EVI5L: variants seen among roughly 807,000 people sequenced by gnomAD.
EVI5L encodes ecotropic viral integration site 5 like.
A neutral mutation model predicts 106.1 loss-of-function variants in EVI5L; 30 were observed. The observed-to-expected ratio is 0.28, with a 90% CI of 0.21 to 0.38. The LOEUF is 0.38. EVI5L is among the 10% of genes least tolerant of loss of function. The probability of loss-of-function intolerance (pLI) is 1.00; values close to 1 mark genes in which losing one functional copy is unlikely to be tolerated. For missense variants in EVI5L, 809 were observed against 1,098.0 expected (o/e 0.74, Z 3.72); for synonymous variants, 489 against 483.3 (o/e 1.01, Z -0.15).
At chr19:7,843,010 G>GTA (rs1174762258) in intron 1 of EVI5L, among the ~76,000 whole-genome samples, 1 of 151,828 alleles carries the variant, frequency 6.6e-6, no homozygotes, top group East Asian at 1.9e-4. Context: ...GTGCATGTGT[G>GTA]TATAGGTGTG....
At position 7,850,041 on chromosome 19, in the gene EVI5L, G is replaced by A; in HGVS notation, c.672G>A (p.Gln224=). The change falls in exon 6 of 20, where the codon CAG becomes CAA. Residue 224 remains glutamine (Q), a synonymous_variant. Transcript: ENST00000538904. This position sits in a 1 kb window ranked among gnomAD's most constrained non-coding sequence, Gnocchi z 5.4. ...TCTGTGTGTTCGTGCGGCTGATGCAGGAGTACCGGCTGCGGGAGCTCTTCA... is the reference window on the plus strand; with the variant it reads ...TCTGTGTGTTCGTGCGGCTGATGCAAGAGTACCGGCTGCGGGAGCTCTTCA... ...EAFCVFVRLM[Q]EYRLRELFKP... The A allele has an allele frequency of 6.2e-7, 1 of 1,604,456 alleles. No homozygotes were observed. The highest frequency in any genetic ancestry group is 1.1e-5 in the South Asian group (1 of 89,196).
At chr19:7,843,232 T>TATC (rs2146418920) in intron 1 of EVI5L, among the ~76,000 whole-genome samples, 1 of 125,822 alleles carries the variant, frequency 7.9e-6, no homozygotes, top group South Asian at 2.7e-4. Context: ...TGGGTGTGTG[T>TATC]CGAGTGTGTG....
chr19:7,853,863 C>T (rs1979386595), intron 10 of EVI5L, among the ~76,000 whole-genome samples: 1 of 152,192 alleles, frequency 6.6e-6, no homozygotes, highest in African/African-American at 2.4e-5. Context: ...TCACCCGGGG[C>T]CCCTGGTTCC....
chr19:7,853,068 C>T lies in EVI5L; in HGVS notation c.988-18C>T, dbSNP rs1285061736. On this transcript the variant is annotated intron_variant, in intron 8 of 19. Transcript: ENST00000538904. ...GGCCTGCATGTTGGTGACCAGGTGA[C>T]CGGCTGTGTCCCCACAGTACTTCCA... 32 of 1,613,268 alleles carry T rather than the reference C, an allele frequency of 2.0e-5. No homozygotes were observed. Among genetic ancestry groups the T allele is most frequent in the Non-Finnish European group, 2.5e-5 (29 of 1,179,846 alleles).
intron 1 of EVI5L, among the ~76,000 whole-genome samples, chr19:7,839,741 T>C (rs925682208): frequency 7.4e-5 from 10 of 134,944 alleles, no homozygotes; most frequent in Non-Finnish European, 1.4e-4. Flanking sequence ...CTGGGCAACA[T>C]AGTGAGACCC....
Position 7,860,654 on chromosome 19 carries a change from C to A in EVI5L, c.1468C>A (p.Arg490=). ...GGAGACGGAGACACTGGGGGCCCTT[C>A]GGGAGATGCAGGACAAGGTTCTCGA... ...LRETETLGAL[R]EMQDKVLDME... is the part of the protein sequence containing the mutation. Residue 490 remains arginine, a synonymous_variant, in exon 14 of 20, where the codon CGG becomes AGG. Transcript: ENST00000538904. 1 of 1,593,230 alleles carries A rather than the reference C, an allele frequency of 6.3e-7. No homozygotes were observed. Among genetic ancestry groups the A allele is most frequent in the East Asian group, 2.3e-5 (1 of 43,970 alleles).
At position 7,857,978 on chromosome 19, in the gene EVI5L, C is replaced by A; in HGVS notation, c.1234-213C>A. ...CAAGCCCAGGGCTAGCTCTGTTCCT[C>A]CCGGGCTCCTCCAGGTGTCCTATTC... On this transcript the variant is annotated intron_variant, in intron 12 of 19. Transcript: ENST00000538904. The surrounding 1 kb of genome is among the most constrained non-coding windows in gnomAD (Gnocchi z 4.5). 1.7e-6 allele frequency: 1 copy of A among 578,910 alleles called. No homozygotes were observed. The highest frequency in any genetic ancestry group is 3.1e-6 in the Non-Finnish European group (1 of 326,030). 35.9% of individuals were successfully genotyped at this position (578,910 alleles called of 1,614,324 possible). A position where few individuals can be genotyped will look rare whatever the true frequency, so the allele number is the denominator to read the frequency against.
intron 1 of EVI5L, among the ~76,000 whole-genome samples, chr19:7,844,763 C>T (rs1199340580): frequency 6.6e-6 from 1 of 152,240 alleles, no homozygotes; most frequent in Non-Finnish European, 1.5e-5. Context: ...AAACCCTCAG[C>T]ACCCGGCAGA....
At position 7,849,108 on chromosome 19, in the gene EVI5L, A is replaced by C; in HGVS notation, c.515A>C (p.Asp172Ala). ...GAACATGAGTTCTTCAAGGGCCAGG[A>C]CAGCCTGGGCCAGGAGGTCCTCTTC... ...YPEHEFFKGQ[D>A]SLGQEVLFNV... Residue 172 changes from aspartate to alanine, a missense_variant, in exon 4 of 20, where the codon GAC becomes GCC. Asp to Ala is a moderately radical substitution (Grantham distance 126, BLOSUM62 -2). Around this residue, in one of 2 missense-constraint regions of EVI5L, gnomAD observed 357 missense variants for 588.1 expected, o/e 0.61. Coordinates refer to ENST00000538904, the MANE Select transcript of EVI5L (RefSeq NM_001159944.3). 1 of 1,609,922 alleles carries C rather than the reference A, an allele frequency of 6.2e-7. No homozygotes were observed.
At chr19:7,842,470 G>A (rs926525090) in intron 1 of EVI5L, among the ~76,000 whole-genome samples, 1 of 151,702 alleles carries the variant, frequency 6.6e-6, no homozygotes, top group African/African-American at 2.4e-5. Context: ...TGTGTATCAA[G>A]TGTGTGCATG....
chr19:7,863,242 C>A lies in EVI5L; in HGVS notation c.2101C>A (p.Arg701Ser), dbSNP rs1295705317. 1.9e-6 allele frequency: 3 copies of A among 1,561,992 alleles called. No individual in the cohort carries two copies. In the South Asian group the frequency reaches 3.5e-5, roughly 18 times the overall value. Residue 701 changes from arginine (R) to serine (S), a missense_variant, in exon 19 of 20, where the codon CGC becomes AGC. This residue lies in a region of EVI5L where 452 missense variants were observed against 509.9 expected (regional missense o/e 0.89). Transcript: ENST00000538904. This position sits in a 1 kb window ranked among gnomAD's most constrained non-coding sequence, Gnocchi z 7.7. Reference sequence around the variant, plus strand: ...CCACTCGGACTCATCGCAGTACATCCGCGAGCTCAAGGACCAGATCGAGGA... The same window carrying A: ...CCACTCGGACTCATCGCAGTACATCAGCGAGCTCAAGGACCAGATCGAGGA... ...LNHSDSSQYI[R>S]ELKDQIEELK...
chr19:7,853,541 C>T (rs1267180783), intron 10 of EVI5L: 3 of 654,152 alleles, frequency 4.6e-6, no homozygotes, highest in Non-Finnish European at 7.8e-6. Context: ...GCCGCGGTAA[C>T]CAAGACAGTC....
chr19:7,843,104 G>A (rs1199763482), intron 1 of EVI5L, among the ~76,000 whole-genome samples: 1 of 148,380 alleles, frequency 6.7e-6, no homozygotes, highest in African/African-American at 2.5e-5. Context: ...TGTGAGAATA[G>A]GCATGGGTGT....
At chr19:7,839,282 G>A (rs1008875200) in intron 1 of EVI5L, among the ~76,000 whole-genome samples, 3 of 151,056 alleles carry the variant, frequency 2.0e-5, no homozygotes, top group South Asian at 2.1e-4. Context: ...CAGCCTGGGC[G>A]ACAGAGCAAG....
chr19:7,836,274 T>C (rs569175), intron 1 of EVI5L, among the ~76,000 whole-genome samples: 27 of 151,840 alleles, frequency 1.8e-4, no homozygotes, highest in Non-Finnish European at 1.5e-5. Context: ...GGTAGGGGAG[T>C]AAGGGAAACA....
rs1465686035 is a variant in EVI5L, at chr19:7,860,711, G to T, written c.1503+22G>T. The T allele has an allele frequency of 2.6e-6, 4 of 1,560,902 alleles. No individual in the cohort carries two copies. The Admixed American group carries it at 5.6e-5, about 22-fold the overall frequency. On this transcript the variant is annotated intron_variant, in intron 14 of 19. Transcript: ENST00000538904. ...AAAGGTGCAATGGGGAGGCAGACGGGCAGGTGTCGGGGGGACCCTGGGGCA... is the reference window on the plus strand; with the variant it reads ...AAAGGTGCAATGGGGAGGCAGACGGTCAGGTGTCGGGGGGACCCTGGGGCA...
chr19:7,860,070 G>A (rs1979726381), intron 13 of EVI5L, among the ~76,000 whole-genome samples: 1 of 152,194 alleles, frequency 6.6e-6, no homozygotes, highest in African/African-American at 2.4e-5. Flanking sequence ...GAGAAGCCAG[G>A]GCATGGAGCA....
Position 7,864,932 on chromosome 19 carries a change from C to T in EVI5L, c.*1230C>T, listed in dbSNP as rs1373011902. 1 of 152,494 alleles carries T rather than the reference C, an allele frequency of 6.6e-6. No homozygotes were observed. Among genetic ancestry groups the T allele is most frequent in the Non-Finnish European group, 1.5e-5 (1 of 68,064 alleles). 9.4% of individuals were successfully genotyped at this position (152,494 alleles called of 1,614,324 possible). A position where few individuals can be genotyped will look rare whatever the true frequency, so the allele number is the denominator to read the frequency against. The stretch of plus-strand genomic sequence containing the variant: ...TTTTGCACACTGCCTGTTCACATGT[C>T]GCCCAGGCGGGAAAAATGGAAAATA... On this transcript the variant is annotated 3_prime_UTR_variant, in exon 20 of 20. Coordinates refer to ENST00000538904, the MANE Select transcript of EVI5L (RefSeq NM_001159944.3). The surrounding 1 kb of genome is among the most constrained non-coding windows in gnomAD (Gnocchi z 4.5).
In EVI5L at chr19:7,861,834, C is replaced by T. The variant is rs368321070; in HGVS notation, c.1504-44C>T. ...CGTTTGTCCTGCAGGAAGGGCCATG[C>T]GGCTGCGCTGCTCCCCCAGGCCCTG... On this transcript the variant is annotated intron_variant, in intron 14 of 19. Coordinates refer to ENST00000538904, the MANE Select transcript of EVI5L (RefSeq NM_001159944.3). 5.8e-6 allele frequency: 9 copies of T among 1,546,714 alleles called. No homozygotes were observed. The Admixed American group carries it at 9.9e-5, about 17-fold the overall frequency.
Sources: allele counts gnomAD v4.1 joint callset (sites outside exome capture counted in the v4.1 genomes callset), GRCh38; gene constraint gnomAD v4.1.1; regional missense constraint gnomAD v4.1.1; non-coding constraint Gnocchi (gnomAD v3.1); transcripts MANE v1.5; gene names NCBI Gene and HGNC (gene_info 2026-07-23, HGNC 2026-07-21).